Variants in CNTNAP2 observed in about 807,000 individuals in gnomAD.
CNTNAP2 encodes the protein contactin associated protein 2, also known as contactin-associated protein-like 2.
Under a neutral mutation model 155.2 loss-of-function variants are expected in CNTNAP2, and 98 were observed. The ratio of observed to expected loss-of-function variants is 0.63; its 90% CI spans 0.54 to 0.75. The LOEUF is 0.75. CNTNAP2 is among the 30% of genes least tolerant of loss of function. The probability of loss-of-function intolerance (pLI) is 0.00; values close to 1 mark genes in which losing one functional copy is unlikely to be tolerated. For missense variants in CNTNAP2, 1,727 were observed against 1,688.1 expected (o/e 1.02, Z -0.40); for synonymous variants, 651 against 631.2 (o/e 1.03, Z -0.47).
chr7:146,347,401 A>G (rs922136304), intron 1 of CNTNAP2, among the ~76,000 whole-genome samples: 1 of 152,186 alleles, frequency 6.6e-6, no homozygotes, highest in Admixed American at 6.5e-5. Context: ...ATCATAGGTT[A>G]CTGAAATTGA....
At chr7:147,717,880 CA>C (rs2117023794) in intron 13 of CNTNAP2, among the ~76,000 whole-genome samples, 1 of 151,746 alleles carries the variant, frequency 6.6e-6, no homozygotes, top group East Asian at 1.9e-4. Flanking sequence ...AAACCCGTCT[CA>C]AATACATAAA....
At chr7:146,123,608 G>A (rs1411918874) in intron 1 of CNTNAP2, among the ~76,000 whole-genome samples, 1 of 152,068 alleles carries the variant, frequency 6.6e-6, no homozygotes, top group Non-Finnish European at 1.5e-5. Context: ...TATGTGAAAA[G>A]GAAAATCTTG....
intron 15 of CNTNAP2, among the ~76,000 whole-genome samples, chr7:148,101,496 T>C (rs1804100391): frequency 6.6e-6 from 1 of 152,098 alleles, no homozygotes; most frequent in Non-Finnish European, 1.5e-5. Context: ...ACTTGAAATT[T>C]ATTCCCCTGC....
intron 22 of CNTNAP2, among the ~76,000 whole-genome samples, chr7:148,394,016 G>A (rs1218540868): frequency 6.6e-6 from 1 of 150,974 alleles, no homozygotes. Flanking sequence ...GAATTTATGG[G>A]ATTTTTTTTT....
At chr7:146,305,481 T>C (rs1286090173) in intron 1 of CNTNAP2, among the ~76,000 whole-genome samples, 3 of 152,086 alleles carry the variant, frequency 2.0e-5, no homozygotes, top group African/African-American at 4.8e-5. Flanking sequence ...TTCTGTTTCT[T>C]AGCTTTCCTT....
intron 17 of CNTNAP2, among the ~76,000 whole-genome samples, chr7:148,160,740 G>A (rs1300375966): frequency 6.6e-6 from 1 of 152,128 alleles, no homozygotes; most frequent in Non-Finnish European, 1.5e-5. Flanking sequence ...TGAAGGTGTT[G>A]TTTTTTGGTT....
intron 1 of CNTNAP2, among the ~76,000 whole-genome samples, chr7:146,492,455 C>G (rs772911959): frequency 6.6e-5 from 10 of 152,164 alleles, no homozygotes; most frequent in Non-Finnish European, 1.3e-4. Flanking sequence ...GGAGTTTCAT[C>G]TTAGTTCCTT....
intron 4 of CNTNAP2, among the ~76,000 whole-genome samples, chr7:147,083,762 G>T (rs149432217): frequency 7.2e-6 from 1 of 138,094 alleles, no homozygotes; most frequent in Non-Finnish European, 1.5e-5. Context: ...GATTATATAT[G>T]TGTATACACA....
At chr7:146,977,142 C>T (rs184160093) in intron 3 of CNTNAP2, among the ~76,000 whole-genome samples, 4 of 152,168 alleles carry the variant, frequency 2.6e-5, no homozygotes, top group African/African-American at 9.6e-5. Flanking sequence ...ATATAAAAAA[C>T]ATAAAATAAT....
At chr7:147,359,522 A>G (rs926335729) in intron 9 of CNTNAP2, among the ~76,000 whole-genome samples, 9 of 152,018 alleles carry the variant, frequency 5.9e-5, no homozygotes, top group African/African-American at 2.2e-4. Flanking sequence ...ACTACTAAAG[A>G]AGTCACATCC....
At chr7:146,713,119 G>A (rs928527434) in intron 1 of CNTNAP2, among the ~76,000 whole-genome samples, 3 of 151,902 alleles carry the variant, frequency 2.0e-5, no homozygotes, top group Admixed American at 1.3e-4. Flanking sequence ...TATAACATTA[G>A]TAATGCAAGA....
chr7:147,947,204 G>A (rs1172002154), intron 14 of CNTNAP2, among the ~76,000 whole-genome samples: 1 of 152,194 alleles, frequency 6.6e-6, no homozygotes, highest in East Asian at 1.9e-4. Context: ...TGGGTGCAGT[G>A]GAGACTCCCA....
chr7:147,130,007 A>G (rs1390293283), intron 7 of CNTNAP2, among the ~76,000 whole-genome samples: 1 of 152,204 alleles, frequency 6.6e-6, no homozygotes, highest in Non-Finnish European at 1.5e-5. Context: ...TCTGAGAACA[A>G]TACTGCAAGA....
chr7:148,406,253 G>GAAT (rs1799702912), intron 22 of CNTNAP2, among the ~76,000 whole-genome samples: 1 of 37,630 alleles, frequency 2.7e-5, no homozygotes, highest in Non-Finnish European at 7.9e-5. Flanking sequence ...AAAGAAAGAA[G>GAAT]GTCATGACGG....
At chr7:147,501,132 C>G (rs1798803522) in intron 11 of CNTNAP2, among the ~76,000 whole-genome samples, 1 of 151,806 alleles carries the variant, frequency 6.6e-6, no homozygotes, top group Non-Finnish European at 1.5e-5. Context: ...GGATAAGAAT[C>G]ATATGATCAT....
chr7:147,132,519 A>G lies in CNTNAP2; in HGVS notation c.1348+10A>G. 1 of 1,613,378 alleles carries G rather than the reference A, an allele frequency of 6.2e-7. No individual in the cohort carries two copies. On this transcript the variant is annotated intron_variant, in intron 8 of 23. Transcript: ENST00000361727. ...ATCGATATTTCCTCAGGTCAGTGAA[A>G]CCTATTTGACATTTGTTCCTGAAAC... is the stretch of plus-strand genomic sequence containing the variant.
At chr7:147,022,067 GT>G (rs1798827560) in intron 3 of CNTNAP2, among the ~76,000 whole-genome samples, 1 of 151,798 alleles carries the variant, frequency 6.6e-6, no homozygotes, top group Non-Finnish European at 1.5e-5. Flanking sequence ...CACTTTAGCT[GT>G]CCTGTAGACC....
chr7:146,567,744 G>A (rs562594634), intron 1 of CNTNAP2, among the ~76,000 whole-genome samples: 15 of 151,894 alleles, frequency 9.9e-5, no homozygotes, highest in African/African-American at 3.6e-4. Context: ...TTTGGGGGAC[G>A]GAGTCTCGCT....
chr7:147,128,876 T>C, intron 7 of CNTNAP2, 40 bp downstream of exon 7: 1 of 1,612,968 alleles, frequency 6.2e-7, no homozygotes, highest in Non-Finnish European at 8.5e-7. Context: ...CTATAAAATA[T>C]CAAGTAACAT....
Sources: allele counts gnomAD v4.1 joint callset (sites outside exome capture counted in the v4.1 genomes callset), GRCh38; gene constraint gnomAD v4.1.1; transcripts MANE v1.5; gene names NCBI Gene and HGNC (gene_info 2026-07-23, HGNC 2026-07-21).